CRYBA4: variants seen among roughly 807,000 people sequenced by gnomAD.
CRYBA4 encodes crystallin beta A4.
A neutral mutation model predicts 31.7 loss-of-function variants in CRYBA4; 30 were observed. That is an observed-to-expected ratio of 0.95 (90% CI 0.71 to 1.28). The LOEUF is 1.28. CRYBA4 is among the 50% of genes most tolerant of loss of function. CRYBA4 has a pLI of 0.00. For missense variants in CRYBA4, 225 were observed against 260.7 expected, an observed-to-expected ratio of 0.86 and a Z score of 0.94; for synonymous variants, 102 against 102.3, an observed-to-expected ratio of 1.00 and a Z score of 0.02.
chr22:26,616,221 A>G, the CRYBA4 span: 1 of 1,613,832 alleles, frequency 6.2e-7, no homozygotes, highest in Non-Finnish European at 8.5e-7. Context: ...TGCCGGGACT[A>G]GGGGATGTTC....
chr22:26,618,585 G>T (rs916653202), upstream of CRYBA4, among the ~76,000 whole-genome samples: 1 of 152,160 alleles, frequency 6.6e-6, no homozygotes, highest in Non-Finnish European at 1.5e-5. Context: ...GTGTTATCTC[G>T]GTCAGTCCCC....
the CRYBA4 span, among the ~76,000 whole-genome samples, chr22:26,595,204 TTTAA>T: frequency 6.6e-6 from 1 of 152,234 alleles, no homozygotes; most frequent in Non-Finnish European, 1.5e-5. Context: ...ATAAAATGAC[TTTAA>T]TTGTTATTTT....
chr22:26,599,349 A>AT, the CRYBA4 span: 1 of 733,230 alleles, frequency 1.4e-6, no homozygotes, highest in East Asian at 2.5e-5. Context: ...CCCAGTAACT[A>AT]TGGGGGACCT....
the CRYBA4 span, chr22:26,599,142 C>T: frequency 3.3e-6 from 1 of 307,328 alleles, no homozygotes; most frequent in East Asian, 7.6e-5. Flanking sequence ...CCATCTCTTA[C>T]CTAGTATCCT....
the CRYBA4 span, among the ~76,000 whole-genome samples, chr22:26,606,822 T>C: frequency 0.034 from 5,124 of 152,284 alleles, 148 homozygotes; most frequent in East Asian, 0.094. Context: ...CAACTAACAT[T>C]GGTGAGTAAG....
At chr22:26,595,532 T>G in the CRYBA4 span, among the ~76,000 whole-genome samples, 28 of 144,534 alleles carry the variant, frequency 1.9e-4, no homozygotes, top group Non-Finnish European at 2.5e-4. Context: ...TGAGCCAAGA[T>G]CGGGCCATTG....
At chr22:26,601,106 A>G in the CRYBA4 span, among the ~76,000 whole-genome samples, 2 of 152,216 alleles carry the variant, frequency 1.3e-5, no homozygotes, top group Admixed American at 1.3e-4. Context: ...GGAGGCAGAA[A>G]GGAACAAGAA....
chr22:26,616,398 C>T, the CRYBA4 span: 4 of 1,131,848 alleles, frequency 3.5e-6, no homozygotes, highest in South Asian at 5.0e-5. Context: ...GCCCTCATAG[C>T]CCCACATCCT....
chr22:26,607,159 A>G, the CRYBA4 span, among the ~76,000 whole-genome samples: 1 of 150,840 alleles, frequency 6.6e-6, no homozygotes, highest in Non-Finnish European at 1.5e-5. Flanking sequence ...AGTAGCTGGG[A>G]TTACAGGCAT....
chr22:26,606,374 A>AT, the CRYBA4 span, among the ~76,000 whole-genome samples: 2 of 152,156 alleles, frequency 1.3e-5, no homozygotes, highest in African/African-American at 4.8e-5. Context: ...ATTCTTTAAA[A>AT]TTTTTTTTAC....
At position 26,627,423 on chromosome 22, in the gene CRYBA4, T is replaced by TC. The variant is rs1491575974; in HGVS notation, c.301-864dup. Among the ~76,000 whole-genome samples the TC allele has an allele frequency of 1.3e-3, 132 of 100,166 alleles. 11 individuals carry two copies. The highest frequency in any genetic ancestry group is 6.6e-3 in the African/African-American group (116 of 17,578). 65.7% of individuals were successfully genotyped at this position (100,166 alleles called of 152,430 possible). A position where few individuals can be genotyped will look rare whatever the true frequency, so the allele number is the denominator to read the frequency against. On this transcript the variant is annotated intron_variant, in intron 4 of 5. Transcript: ENST00000354760. ...TTCTTTCTTTCTTTCTTTCTTTCTTTCTTTTTCTTTCTTTCTTTCTTTCCT... is the reference window on the plus strand; with the variant it reads ...TTCTTTCTTTCTTTCTTTCTTTCTTTCCTTTTTCTTTCTTTCTTTCTTTCCT...
chr22:26,602,528 C>A, the CRYBA4 span, among the ~76,000 whole-genome samples: 3 of 150,908 alleles, frequency 2.0e-5, no homozygotes, highest in Non-Finnish European at 4.4e-5. Context: ...GAAGTTGAGG[C>A]TGCAGCGAGA....
the CRYBA4 span, chr22:26,608,041 T>A: frequency 1.0e-4 from 163 of 1,614,080 alleles, 3 homozygotes; most frequent in African/African-American, 2.1e-3. Context: ...AGAAGGACCA[T>A]GAGGCAGACA....
At chr22:26,602,048 G>A in the CRYBA4 span, 1 of 1,612,278 alleles carries the variant, frequency 6.2e-7, no homozygotes, top group Non-Finnish European at 8.5e-7. Flanking sequence ...CGGGTCAGGT[G>A]TGTGAAGTAC....
upstream of CRYBA4, among the ~76,000 whole-genome samples, chr22:26,617,107 A>G (rs1337163303): frequency 2.0e-5 from 3 of 152,068 alleles, no homozygotes; most frequent in Non-Finnish European, 4.4e-5. Context: ...CCGGGGACTG[A>G]GGCTTATGGG....
intron 4 of CRYBA4, among the ~76,000 whole-genome samples, chr22:26,627,538 TTC>T (rs1169047891): frequency 7.1e-6 from 1 of 139,880 alleles, no homozygotes; most frequent in South Asian, 2.3e-4. Flanking sequence ...TTCTTTCCTT[TTC>T]TTTCTTTCTT....
chr22:26,623,553 TAC>T (rs1929609599), intron 3 of CRYBA4, among the ~76,000 whole-genome samples: 1 of 152,158 alleles, frequency 6.6e-6, no homozygotes, highest in Non-Finnish European at 1.5e-5. Context: ...GGGTGCCATT[TAC>T]ACAGACCCTG....
At chr22:26,608,080 C>T in the CRYBA4 span, 9 of 1,613,052 alleles carry the variant, frequency 5.6e-6, no homozygotes, top group South Asian at 8.8e-5. Context: ...GAAGCCCCCA[C>T]TCCCTACTTG....
the CRYBA4 span, among the ~76,000 whole-genome samples, chr22:26,615,678 T>C: frequency 9.2e-5 from 14 of 152,252 alleles, no homozygotes; most frequent in African/African-American, 3.1e-4. Flanking sequence ...TACGCCTGGC[T>C]AATTTTTGTA....
Sources: allele counts gnomAD v4.1 joint callset (sites outside exome capture counted in the v4.1 genomes callset), GRCh38; gene constraint gnomAD v4.1.1; transcripts MANE v1.5; gene names NCBI Gene and HGNC (gene_info 2026-07-23, HGNC 2026-07-21).